PRKDC: variants seen among roughly 807,000 people sequenced by gnomAD.
PRKDC encodes the protein protein kinase, DNA-activated, catalytic subunit.
A neutral mutation model predicts 486.9 loss-of-function variants in PRKDC; 82 were observed. That is an observed-to-expected ratio of 0.17 (90% CI 0.14 to 0.20). PRKDC has a LOEUF of 0.20. Among genes scored for constraint, PRKDC ranks in the 10% least tolerant of loss-of-function variants. The probability of loss-of-function intolerance (pLI) is 1.00; values close to 1 mark genes in which losing one functional copy is unlikely to be tolerated. For missense variants in PRKDC, 4,504 were observed against 5,038.2 expected, an observed-to-expected ratio of 0.89 and a Z score of 3.21; for synonymous variants, 1,895 against 1,837.0, an observed-to-expected ratio of 1.03 and a Z score of -0.81.
At position 47,777,733 on chromosome 8, in the gene PRKDC, T is replaced by C. The variant is rs771677603; in HGVS notation, c.11995A>G (p.Thr3999Ala). 1.9e-6 allele frequency: 3 copies of C among 1,611,720 alleles called. No homozygotes were observed. Among genetic ancestry groups the C allele is most frequent in the Non-Finnish European group, 2.5e-6 (3 of 1,178,144 alleles). Residue 3999 changes from threonine to alanine, a missense_variant, in exon 84 of 86, where the codon ACC (threonine) becomes GCC (alanine). Physicochemically the swap from Thr to Ala is moderately conservative, Grantham distance 58. This residue lies in a region of PRKDC where 706 missense variants were observed against 945.0 expected (regional missense o/e 0.75). Coordinates refer to ENST00000314191, the MANE Select transcript of PRKDC (RefSeq NM_006904.7). ...RAFRSDPGLLTNTMDVFVKEP... is the reference protein window; with the variant it reads ...RAFRSDPGLLANTMDVFVKEP... Reference sequence around the variant, plus strand: ...TTGACAAACACATCCATGGTGTTGGTGAGCAGGCCAGGGTCTGAGCGGAAG... The same window carrying C: ...TTGACAAACACATCCATGGTGTTGGCGAGCAGGCCAGGGTCTGAGCGGAAG...
chr8:47,946,979 T>C (rs529419771), intron 7 of PRKDC, among the ~76,000 whole-genome samples: 1 of 152,298 alleles, frequency 6.6e-6, no homozygotes, highest in South Asian at 2.1e-4. Flanking sequence ...TGAAAAGCTC[T>C]GGCTCCCATT....
At chr8:47,825,474 A>C (rs1054228094) in intron 63 of PRKDC, among the ~76,000 whole-genome samples, 2 of 134,866 alleles carry the variant, frequency 1.5e-5, no homozygotes, top group African/African-American at 5.7e-5. Flanking sequence ...GTGCCACTGC[A>C]CTCCAACTGG....
rs766316596 is a variant in PRKDC at position 47,886,022 on chromosome 8, C to T, written c.4698G>A (p.Thr1566=). The change falls in exon 36 of 86, where the codon ACG becomes ACA. Residue 1566 remains threonine (T), a synonymous_variant. Coordinates refer to ENST00000314191, the MANE Select transcript of PRKDC (RefSeq NM_006904.7). ...GEYFYSLFSE[T]INTELLKNLD... Reference sequence around the variant, plus strand: ...GATTTTTCAATAATTCCGTGTTGATCGTTTCTGAGAACAAGCTATAGAAAT... The same window carrying T: ...GATTTTTCAATAATTCCGTGTTGATTGTTTCTGAGAACAAGCTATAGAAAT... 5.6e-6 allele frequency: 9 copies of T among 1,613,704 alleles called. No homozygotes were observed. In the Admixed American group the frequency reaches 6.7e-5, roughly 12 times the overall value.
chr8:47,891,758 T>C (rs2089463034), intron 31 of PRKDC, among the ~76,000 whole-genome samples: 1 of 152,184 alleles, frequency 6.6e-6, no homozygotes, highest in South Asian at 2.1e-4. Context: ...CAAATATCCT[T>C]GAATCCAATA....
rs776629265 is a variant in PRKDC, at chr8:47,943,373, A to G, written c.809-7T>C. The G allele has an allele frequency of 6.3e-7, 1 of 1,592,460 alleles. No individual in the cohort carries two copies. Among genetic ancestry groups the G allele is most frequent in the South Asian group, 1.2e-5 (1 of 86,704 alleles). ...GCAAATAGGCGCAAGCCAGCTGCAA[A>G]TGCAAATGCCATTATATTTAAAATC... On this transcript the variant is annotated splice_region_variant and splice_polypyrimidine_tract_variant and intron_variant, in intron 9 of 85. Coordinates refer to ENST00000314191, the MANE Select transcript of PRKDC (RefSeq NM_006904.7).
chr8:47,957,154 TG>T lies in PRKDC; in HGVS notation c.324+16del. 1 of 1,484,222 alleles carries T rather than the reference TG, an allele frequency of 6.7e-7. No homozygotes were observed. The highest frequency in any genetic ancestry group is 9.3e-7 in the Non-Finnish European group (1 of 1,071,626). The allele number at this position is 1,484,222 out of a possible 1,614,324, so 91.9% of individuals were successfully genotyped here. ...TGTTGATATATAATGTAATAAGGTA[TG>T]TTTTTTAATTCTTACCTTAATTTCA... On this transcript the variant is annotated intron_variant, in intron 3 of 85. Coordinates refer to ENST00000314191, the MANE Select transcript of PRKDC (RefSeq NM_006904.7).
chr8:47,915,545 T>C (rs2089970420), intron 22 of PRKDC, 127 bp from the exon 23 acceptor site: 3 of 578,294 alleles, frequency 5.2e-6, no homozygotes, highest in Non-Finnish European at 8.9e-6. Flanking sequence ...CCAAACTTTT[T>C]GGCAGGATCC....
At chr8:47,912,674 C>T (rs1027686745) in intron 24 of PRKDC, 112 bp from the exon 25 acceptor site, 6 of 988,068 alleles carry the variant, frequency 6.1e-6, no homozygotes, top group Non-Finnish European at 8.5e-6. Flanking sequence ...TTGCACATAA[C>T]TATCATGTAA....
At chr8:47,853,987 G>T in intron 51 of PRKDC, 96 bp downstream of exon 51, 4 of 1,456,668 alleles carry the variant, frequency 2.7e-6, no homozygotes, top group Non-Finnish European at 3.8e-6. Flanking sequence ...TGTAGCATGG[G>T]TCTGGTCCTT....
chr8:47,818,995 G>A (rs1563750492), intron 67 of PRKDC, among the ~76,000 whole-genome samples: 1 of 152,118 alleles, frequency 6.6e-6, no homozygotes, highest in Non-Finnish European at 1.5e-5. Context: ...GGCACCCAGA[G>A]CCCTCAGCGT....
intron 69 of PRKDC, among the ~76,000 whole-genome samples, chr8:47,803,933 C>A (rs1362352626): frequency 1.5e-3 from 205 of 141,374 alleles, no homozygotes; most frequent in African/African-American, 1.5e-3. Context: ...AGCAAGTCTC[C>A]AAAAAAAAAA....
chr8:47,802,447 C>G (rs2087127252), intron 70 of PRKDC, among the ~76,000 whole-genome samples: 1 of 148,966 alleles, frequency 6.7e-6, no homozygotes, highest in Non-Finnish European at 1.5e-5. Context: ...TTAATGTAGT[C>G]TTAAAGACTA....
intron 40 of PRKDC, among the ~76,000 whole-genome samples, chr8:47,876,615 C>T (rs1476626020): frequency 6.6e-6 from 1 of 151,226 alleles, no homozygotes; most frequent in Admixed American, 6.6e-5. Flanking sequence ...GAGCCAAGAT[C>T]ATGCCACCGC....
chr8:47,776,567 C>T (rs2086611365), intron 85 of PRKDC, among the ~76,000 whole-genome samples: 1 of 152,208 alleles, frequency 6.6e-6, no homozygotes, highest in Non-Finnish European at 1.5e-5. Flanking sequence ...TGGCAACTGT[C>T]TAAGAGTGCA....
chr8:47,818,875 T>C (rs943049098), intron 67 of PRKDC, among the ~76,000 whole-genome samples: 1 of 152,214 alleles, frequency 6.6e-6, no homozygotes, highest in Admixed American at 6.5e-5. Context: ...CCTTAGACTC[T>C]TGGGTGGCCT....
chr8:47,828,111 G>A lies in PRKDC; in HGVS notation c.8577+57C>T, dbSNP rs1370041879. On this transcript the variant is annotated intron_variant, in intron 62 of 85. Coordinates refer to ENST00000314191, the MANE Select transcript of PRKDC (RefSeq NM_006904.7). Reference sequence around the variant, plus strand: ...ACGGGAAACATAGTGATGATGGAAAGGCCATGTGAAGCCACAGCAAACAAT... The same window carrying A: ...ACGGGAAACATAGTGATGATGGAAAAGCCATGTGAAGCCACAGCAAACAAT... 4 of 1,505,006 alleles carry A rather than the reference G, an allele frequency of 2.7e-6. No individual in the cohort carries two copies. The African/African-American group carries it at 5.5e-5, about 21-fold the overall frequency. 93.2% of individuals were successfully genotyped at this position (1,505,006 alleles called of 1,614,324 possible).
chr8:47,809,637 A>C (rs1396686774), intron 68 of PRKDC, among the ~76,000 whole-genome samples: 1 of 152,182 alleles, frequency 6.6e-6, no homozygotes, highest in Non-Finnish European at 1.5e-5. Flanking sequence ...CAAATCAGGG[A>C]GAATAAACCA....
At chr8:47,913,546 G>A (rs1222364470) in intron 24 of PRKDC, among the ~76,000 whole-genome samples, 3 of 152,002 alleles carry the variant, frequency 2.0e-5, no homozygotes, top group Non-Finnish European at 2.9e-5. Context: ...ACACTCGCAT[G>A]CCAGCACACC....
chr8:47,835,995 T>A (rs369772406), intron 58 of PRKDC, among the ~76,000 whole-genome samples: 1 of 152,312 alleles, frequency 6.6e-6, no homozygotes, highest in East Asian at 1.9e-4. Context: ...GCGGAACTCC[T>A]GGGCTCAACT....
Sources: gnomAD v4.1 joint callset for allele counts (sites outside exome capture counted in the v4.1 genomes callset) on GRCh38, gnomAD v4.1.1 for gene constraint, gnomAD v4.1.1 regional missense constraint, MANE v1.5 for transcripts, NCBI Gene and HGNC (gene_info 2026-07-23, HGNC 2026-07-21) for gene names.